The following CSMD1 variants were observed in gnomAD, a reference collection of about 807,000 sequenced individuals.
CSMD1 encodes CUB and Sushi multiple domains 1.
Under a neutral mutation model 417.5 loss-of-function variants are expected in CSMD1, and 213 were observed. The ratio of observed to expected loss-of-function variants is 0.51; its 90% CI spans 0.46 to 0.57. CSMD1 has a LOEUF of 0.57. Among genes scored for constraint, CSMD1 ranks in the 20% least tolerant of loss-of-function variants. The probability of loss-of-function intolerance (pLI) is 0.00; values close to 1 mark genes in which losing one functional copy is unlikely to be tolerated. For missense variants in CSMD1, 6,923 were observed against 4,529.7 expected (o/e 1.53, Z -15.17); for synonymous variants, 2,862 against 1,736.8 (o/e 1.65, Z -16.11).
chr8:4,226,129 C>G (rs1390999454), intron 3 of CSMD1, among the ~76,000 whole-genome samples: 2 of 151,454 alleles, frequency 1.3e-5, no homozygotes, highest in Non-Finnish European at 2.9e-5. Context: ...TACACACTTG[C>G]TAGCATGAGA....
rs145768560 is a variant in CSMD1 at position 4,363,301 on chromosome 8, C to T, written c.415+56652G>A. On this transcript the variant is annotated intron_variant, in intron 3 of 69. Coordinates refer to ENST00000635120, the MANE Select transcript of CSMD1 (RefSeq NM_033225.6). The stretch of plus-strand genomic sequence containing the variant: ...CTTTTCAAAGTTTTTCCCTCCTGCC[C>T]GTCATGAAATTCTATACTACAGGTA... 3.7e-3 allele frequency among the ~76,000 whole-genome samples: 562 copies of T among 152,210 alleles called. 4 individuals carry two copies. The highest frequency in any genetic ancestry group is 0.013 in the African/African-American group (539 of 41,510).
intron 2 of CSMD1, among the ~76,000 whole-genome samples, chr8:4,484,194 T>C (rs1279441120): frequency 6.8e-6 from 1 of 146,960 alleles, no homozygotes. Flanking sequence ...GCAGCTTGGA[T>C]GACACGAAAA....
chr8:3,188,939 T>C lies in CSMD1; in HGVS notation c.5471A>G (p.Asn1824Ser). ...GATCTTCCATATACAGTTCAAGTTGTTTCCGTATGGCTCAGGGTAGCCGGG... is the reference window on the plus strand; with the variant it reads ...GATCTTCCATATACAGTTCAAGTTGCTTCCGTATGGCTCAGGGTAGCCGGG... Reference protein sequence around the residue: ...LSPGYPEPYGNNLNCIWKIIV... With the variant: ...LSPGYPEPYGSNLNCIWKIIV... Residue 1824 changes from asparagine to serine, a missense_variant, in exon 35 of 70, where the codon AAC becomes AGC. Physicochemically the swap from Asn to Ser is conservative, Grantham distance 46. Transcript: ENST00000635120. The C allele has an allele frequency of 6.2e-7, 1 of 1,611,634 alleles. No individual in the cohort carries two copies. Among genetic ancestry groups the C allele is most frequent in the Non-Finnish European group, 8.5e-7 (1 of 1,178,872 alleles).
At chr8:4,407,165 C>T (rs1350571348) in intron 3 of CSMD1, among the ~76,000 whole-genome samples, 1 of 152,138 alleles carries the variant, frequency 6.6e-6, no homozygotes, top group East Asian at 1.9e-4. Flanking sequence ...TAACTCTGGC[C>T]CTTTACCAAA....
At chr8:4,380,630 G>T (rs1031405383) in intron 3 of CSMD1, among the ~76,000 whole-genome samples, 4 of 152,162 alleles carry the variant, frequency 2.6e-5, no homozygotes, top group Non-Finnish European at 5.9e-5. Flanking sequence ...ACGGACTGTA[G>T]TCATTAAAGT....
chr8:4,601,692 G>T (rs1385931580), intron 2 of CSMD1, among the ~76,000 whole-genome samples: 5 of 152,072 alleles, frequency 3.3e-5, no homozygotes, highest in African/African-American at 1.2e-4. Context: ...TGCAATGAGG[G>T]GATCGTGATC....
chr8:2,981,736 C>A lies in CSMD1; in HGVS notation c.8378-2936G>T, dbSNP rs190888392. 1.9e-3 allele frequency among the ~76,000 whole-genome samples: 294 copies of A among 152,184 alleles called. 3 individuals are homozygous for A. The highest frequency in any genetic ancestry group is 8.1e-3 in the South Asian group (39 of 4,816). ...TGAACACACAGGCTGTGTTCTGTGG[C>A]GAAAGCTGGGTATGTGGAAAGGTAA... On this transcript the variant is annotated intron_variant, in intron 54 of 69. Transcript: ENST00000635120.
rs573264134 is a variant in CSMD1, at chr8:3,491,930, G to T, written c.1448+1693C>A. On this transcript the variant is annotated intron_variant, in intron 11 of 69. Transcript: ENST00000635120. Reference sequence around the variant, plus strand: ...TAAAAGGCGGGTCCAGGGGACCTGAGGATCCGGAGGCTTGCTCACAGCCCA... The same window carrying T: ...TAAAAGGCGGGTCCAGGGGACCTGATGATCCGGAGGCTTGCTCACAGCCCA... Among the ~76,000 whole-genome samples, 19 of 152,294 alleles carry T rather than the reference G, an allele frequency of 1.2e-4. No homozygotes were observed. The South Asian group carries it at 3.5e-3, about 28-fold the overall frequency.
intron 5 of CSMD1, among the ~76,000 whole-genome samples, chr8:3,970,551 T>C (rs544973309): frequency 3.7e-4 from 57 of 152,244 alleles, no homozygotes; most frequent in Admixed American, 9.8e-4. Flanking sequence ...AGCCAGATCT[T>C]AGTGATTTGC....
At chr8:3,172,760 G>C (rs542363840) in intron 37 of CSMD1, among the ~76,000 whole-genome samples, 4 of 152,134 alleles carry the variant, frequency 2.6e-5, no homozygotes, top group African/African-American at 9.7e-5. Flanking sequence ...ACCAAACATC[G>C]TCTCCCATGA....
chr8:4,406,362 G>C lies in CSMD1; in HGVS notation c.415+13591C>G, dbSNP rs560186693. On this transcript the variant is annotated intron_variant, in intron 3 of 69. Coordinates refer to ENST00000635120, the MANE Select transcript of CSMD1 (RefSeq NM_033225.6). ...AAATGACAGAATTTAGGGAAAGAGA[G>C]ATGACAATTAGATGATTCATGAAAC... 6.6e-5 allele frequency among the ~76,000 whole-genome samples: 10 copies of C among 152,250 alleles called. No homozygotes were observed. The East Asian group carries it at 1.9e-3, about 29-fold the overall frequency.
intron 3 of CSMD1, among the ~76,000 whole-genome samples, chr8:4,160,248 A>G (rs1340804059): frequency 6.6e-6 from 1 of 152,190 alleles, no homozygotes; most frequent in Non-Finnish European, 1.5e-5. Context: ...TAACTTTATC[A>G]TAAAGTAACA....
At chr8:4,404,457 G>A (rs952667810) in intron 3 of CSMD1, among the ~76,000 whole-genome samples, 1 of 152,062 alleles carries the variant, frequency 6.6e-6, no homozygotes, top group Non-Finnish European at 1.5e-5. Context: ...AGTAATTTTT[G>A]CAAAGCCAAA....
intron 5 of CSMD1, among the ~76,000 whole-genome samples, chr8:3,809,935 A>G (rs1390136787): frequency 6.6e-6 from 1 of 152,066 alleles, no homozygotes; most frequent in Admixed American, 6.6e-5. Context: ...TTCATATACA[A>G]CCAACATTTA....
rs145257412 is a variant in CSMD1 at position 3,992,952 on chromosome 8, T to C, written c.818+4951A>G. ...GTTAACATGGGATAGGTCAAGTTCA[T>C]AGAAACAAAGAAAGATGGAAACGGC... On this transcript the variant is annotated intron_variant, in intron 5 of 69. Coordinates refer to ENST00000635120, the MANE Select transcript of CSMD1 (RefSeq NM_033225.6). Among the ~76,000 whole-genome samples, 783 of 152,266 alleles carry C rather than the reference T, an allele frequency of 5.1e-3. 1 individual carries two copies. Among genetic ancestry groups the C allele is most frequent in the African/African-American group, 0.018 (744 of 41,544 alleles).
chr8:3,661,541 G>A (rs114449260), intron 7 of CSMD1, among the ~76,000 whole-genome samples: 2 of 151,546 alleles, frequency 1.3e-5, no homozygotes, highest in African/African-American at 4.8e-5. Context: ...TTATCACCCA[G>A]GCTGCAGTGC....
At chr8:4,848,280 A>G (rs932154950) in intron 1 of CSMD1, among the ~76,000 whole-genome samples, 2 of 152,198 alleles carry the variant, frequency 1.3e-5, no homozygotes, top group Admixed American at 1.3e-4. Context: ...TGACATAAAC[A>G]TTGTTGTACC....
intron 1 of CSMD1, among the ~76,000 whole-genome samples, chr8:4,934,600 T>A (rs1272412727): frequency 6.6e-6 from 1 of 151,994 alleles, no homozygotes; most frequent in African/African-American, 2.4e-5. Flanking sequence ...CAATATAATG[T>A]CTACCTTTTT....
At chr8:3,141,709 C>A (rs943657889) in intron 41 of CSMD1, among the ~76,000 whole-genome samples, 1 of 152,050 alleles carries the variant, frequency 6.6e-6, no homozygotes, top group African/African-American at 2.4e-5. Flanking sequence ...CAGCAGACAG[C>A]AAGAAAAACT....
Sources: allele counts gnomAD v4.1 joint callset (sites outside exome capture counted in the v4.1 genomes callset), GRCh38; gene constraint gnomAD v4.1.1; transcripts MANE v1.5; gene names NCBI Gene and HGNC (gene_info 2026-07-23, HGNC 2026-07-21).